KCNH1: variants seen among roughly 807,000 people sequenced by gnomAD.
The protein encoded by KCNH1 is voltage-gated delayed rectifier potassium channel KCNH1.
In KCNH1, 27 loss-of-function variants were observed where a neutral mutation model predicts 69.2. The ratio of observed to expected loss-of-function variants is 0.39; its 90% confidence interval spans 0.29 to 0.54. KCNH1 has a LOEUF of 0.54. Among genes scored for constraint, KCNH1 ranks in the 20% least tolerant of loss-of-function variants. The pLI, the probability that KCNH1 is intolerant of heterozygous loss-of-function variation, is 0.68. For synonymous variants in KCNH1, 456 were observed against 487.7 expected, an observed-to-expected ratio of 0.93 and a Z score of 0.86; for missense variants, 798 against 1,261.6, an observed-to-expected ratio of 0.63 and a Z score of 5.57.
chr1:210,847,263 A>C (rs1323040706), intron 7 of KCNH1, among the ~76,000 whole-genome samples: 2 of 152,234 alleles, frequency 1.3e-5, no homozygotes, highest in African/African-American at 4.8e-5. Context: ...TCGTGCTGCT[A>C]TAAAGACACA....
At chr1:210,917,689 G>A (rs1397572071) in intron 7 of KCNH1, among the ~76,000 whole-genome samples, 2 of 152,120 alleles carry the variant, frequency 1.3e-5, no homozygotes, top group African/African-American at 4.8e-5. Flanking sequence ...GACTGACAAA[G>A]TGGCTCATCT....
At chr1:210,816,631 A>G (rs1684822377) in intron 7 of KCNH1, among the ~76,000 whole-genome samples, 1 of 152,222 alleles carries the variant, frequency 6.6e-6, no homozygotes, top group Non-Finnish European at 1.5e-5. Flanking sequence ...CAGGTTTGCA[A>G]ACCCAGGTCT....
intron 7 of KCNH1, among the ~76,000 whole-genome samples, chr1:210,825,727 T>C (rs567317556): frequency 6.6e-6 from 1 of 152,362 alleles, no homozygotes; most frequent in East Asian, 1.9e-4. Flanking sequence ...ATTTCTGGTA[T>C]TAGTAAATAC....
chr1:210,743,662 G>A (rs1683086985), intron 10 of KCNH1, among the ~76,000 whole-genome samples: 1 of 152,200 alleles, frequency 6.6e-6, no homozygotes, highest in Non-Finnish European at 1.5e-5. Context: ...CCTATCAAGA[G>A]AAATCTTTAC....
At chr1:211,112,501 T>TAAAAAAAAAAAAA (rs74258707) in intron 1 of KCNH1, among the ~76,000 whole-genome samples, 3 of 126,408 alleles carry the variant, frequency 2.4e-5, no homozygotes. Context: ...ATTAAATAAA[T>TAAAAAAAAAAAAA]AAAAAAAAAA....
At chr1:210,973,714 A>G (rs2102369583) in intron 6 of KCNH1, among the ~76,000 whole-genome samples, 1 of 152,286 alleles carries the variant, frequency 6.6e-6, no homozygotes, top group South Asian at 2.1e-4. Flanking sequence ...TTTGATGAAA[A>G]TAATATACAT....
At chr1:210,899,292 G>C (rs944355855) in intron 7 of KCNH1, among the ~76,000 whole-genome samples, 10 of 152,092 alleles carry the variant, frequency 6.6e-5, no homozygotes, top group Non-Finnish European at 1.0e-4. Context: ...TGAGATTCCA[G>C]CTTCATTCAT....
At chr1:210,864,142 C>T (rs1453851047) in intron 7 of KCNH1, among the ~76,000 whole-genome samples, 1 of 152,332 alleles carries the variant, frequency 6.6e-6, no homozygotes, top group Non-Finnish European at 1.5e-5. Flanking sequence ...GCCCAGCTCT[C>T]ACATGCCTAT....
chr1:211,022,979 T>C (rs1689614067), intron 5 of KCNH1, among the ~76,000 whole-genome samples: 1 of 151,774 alleles, frequency 6.6e-6, no homozygotes, highest in Non-Finnish European at 1.5e-5. Flanking sequence ...GGCATGGTGG[T>C]GGATACCTGT....
At chr1:211,068,133 A>G (rs1265847755) in intron 5 of KCNH1, among the ~76,000 whole-genome samples, 1 of 152,242 alleles carries the variant, frequency 6.6e-6, no homozygotes, top group Non-Finnish European at 1.5e-5. Flanking sequence ...CAAAATTGCT[A>G]TTCTCAGTCC....
rs142868014 is a variant in KCNH1 at position 210,747,597 on chromosome 1, T to C, written c.2112+27751A>G. 5.6e-3 allele frequency among the ~76,000 whole-genome samples: 853 copies of C among 151,218 alleles called. 6 individuals are homozygous for C. Among genetic ancestry groups the C allele is most frequent in the South Asian group, 0.015 (72 of 4,778 alleles). On this transcript the variant is annotated intron_variant, in intron 10 of 10. Coordinates refer to ENST00000271751, the MANE Select transcript of KCNH1 (RefSeq NM_172362.3). ...TAAACAACAAAGACTTGGGAAGATATTAAGCTCCTAGGGGCAAACTGTGTA... is the reference window on the plus strand; with the variant it reads ...TAAACAACAAAGACTTGGGAAGATACTAAGCTCCTAGGGGCAAACTGTGTA...
At chr1:210,705,746 T>A (rs1189085503) in intron 10 of KCNH1, among the ~76,000 whole-genome samples, 3 of 152,098 alleles carry the variant, frequency 2.0e-5, no homozygotes, top group Non-Finnish European at 4.4e-5. Flanking sequence ...CCATGCTCTG[T>A]AGCTCTAAGT....
At chr1:210,940,641 A>G (rs1300577708) in intron 6 of KCNH1, among the ~76,000 whole-genome samples, 4 of 152,374 alleles carry the variant, frequency 2.6e-5, no homozygotes, top group South Asian at 2.1e-4. Context: ...CAAACCATGA[A>G]ATAAACTGCG....
intron 6 of KCNH1, among the ~76,000 whole-genome samples, chr1:210,980,226 A>G (rs1238573670): frequency 6.6e-6 from 1 of 152,220 alleles, no homozygotes; most frequent in Admixed American, 6.5e-5. Context: ...TATGAGCTCA[A>G]CTACAAACCT....
intron 7 of KCNH1, among the ~76,000 whole-genome samples, chr1:210,878,278 G>A (rs1215546452): frequency 6.6e-6 from 1 of 151,852 alleles, no homozygotes; most frequent in African/African-American, 2.4e-5. Context: ...GAACTCAAAA[G>A]CATCATTAGT....
chr1:210,729,164 G>T (rs1309292613), intron 10 of KCNH1, among the ~76,000 whole-genome samples: 1 of 152,198 alleles, frequency 6.6e-6, no homozygotes, highest in Non-Finnish European at 1.5e-5. Context: ...TCCTCAGCAT[G>T]CAAGGGGAAA....
At chr1:210,876,988 C>A (rs1686388922) in intron 7 of KCNH1, among the ~76,000 whole-genome samples, 1 of 151,808 alleles carries the variant, frequency 6.6e-6, no homozygotes, top group Non-Finnish European at 1.5e-5. Flanking sequence ...TACCGCTCAG[C>A]CTCAGAGATA....
chr1:210,975,795 C>T (rs1688596598), intron 6 of KCNH1, among the ~76,000 whole-genome samples: 2 of 152,108 alleles, frequency 1.3e-5, no homozygotes, highest in African/African-American at 2.4e-5. Flanking sequence ...AAAGAAACTA[C>T]CATCAGAGTG....
At chr1:210,722,248 C>T (rs1682487300) in intron 10 of KCNH1, among the ~76,000 whole-genome samples, 1 of 152,114 alleles carries the variant, frequency 6.6e-6, no homozygotes, top group Non-Finnish European at 1.5e-5. Context: ...GAGTGAAGCT[C>T]AAAGGTGAGA....
Sources: gnomAD v4.1 joint callset for allele counts (sites outside exome capture counted in the v4.1 genomes callset) on GRCh38, gnomAD v4.1.1 for gene constraint, MANE v1.5 for transcripts, NCBI Gene and HGNC (gene_info 2026-07-23, HGNC 2026-07-21) for gene names.